Variants in ZNF33A observed in about 807,000 individuals in gnomAD.
ZNF33A encodes brain my041 protein.
A neutral mutation model predicts 15.9 loss-of-function variants in ZNF33A; 9 were observed. That is an observed-to-expected ratio of 0.57 (90% CI 0.34 to 0.99). The LOEUF (loss-of-function observed/expected upper bound fraction) is 0.99. ZNF33A is among the 50% of genes least tolerant of loss of function. The pLI is 0.02. For synonymous variants in ZNF33A, 294 were observed against 324.2 expected, an observed-to-expected ratio of 0.91 and a Z score of 1.00; for missense variants, 843 against 941.6, an observed-to-expected ratio of 0.90 and a Z score of 1.37.
Position 38,054,977 on chromosome 10 carries a change from T to A in ZNF33A, c.853T>A (p.Cys285Ser). 1 of 1,614,136 alleles carries A rather than the reference T, an allele frequency of 6.2e-7. No homozygotes were observed. Among genetic ancestry groups the A allele is most frequent in the Non-Finnish European group, 8.5e-7 (1 of 1,179,990 alleles). Residue 285 changes from cysteine to serine, a missense_variant, in exon 5 of 5, where the codon TGT becomes AGT. Physicochemically the swap from Cys to Ser is moderately radical, Grantham distance 112. Coordinates refer to ENST00000432900, the MANE Select transcript of ZNF33A (RefSeq NM_006954.2). ...YEFSDCEKFL[C>S]VKSTLSKPHG... ...ATTTAGTGATTGTGAGAAGTTCTTA[T>A]GTGTGAAGTCCACCCTTTCTAAACC...
At chr10:38,019,493 A>G (rs1464083153) in intron 4 of ZNF33A, among the ~76,000 whole-genome samples, 3 of 152,214 alleles carry the variant, frequency 2.0e-5, no homozygotes, top group Non-Finnish European at 4.4e-5. Context: ...TAAAATTTTC[A>G]AAGTAGCCAG....
At chr10:38,011,916 T>TA (rs1210422157) in intron 1 of ZNF33A, among the ~76,000 whole-genome samples, 2 of 152,238 alleles carry the variant, frequency 1.3e-5, no homozygotes, top group Admixed American at 1.3e-4. Flanking sequence ...TCCTATTTTT[T>TA]ACAATGGTTT....
chr10:38,029,743 G>A (rs1169249959), intron 4 of ZNF33A, among the ~76,000 whole-genome samples: 1 of 152,100 alleles, frequency 6.6e-6, no homozygotes, highest in Non-Finnish European at 1.5e-5. Context: ...CAATAATATG[G>A]TTTCTGCCAT....
chr10:38,033,404 TCTG>T (rs2065298279), intron 4 of ZNF33A, among the ~76,000 whole-genome samples: 1 of 152,196 alleles, frequency 6.6e-6, no homozygotes, highest in South Asian at 2.1e-4. Context: ...TATGAATAAT[TCTG>T]CTGTAATTGT....
At chr10:38,061,784 A>T (rs1018676425), downstream of ZNF33A, among the ~76,000 whole-genome samples, 1 of 152,042 alleles carries the variant, frequency 6.6e-6, no homozygotes, top group South Asian at 2.1e-4. Context: ...AACATGGTGA[A>T]ACCCCGTCTC....
chr10:38,025,525 T>C (rs1369676858), intron 4 of ZNF33A, among the ~76,000 whole-genome samples: 5 of 152,206 alleles, frequency 3.3e-5, no homozygotes, highest in Non-Finnish European at 7.3e-5. Context: ...GGAAAGGCGA[T>C]GTGAATATGC....
At chr10:38,061,812 T>G (rs1388991068), downstream of ZNF33A, among the ~76,000 whole-genome samples, 1 of 151,964 alleles carries the variant, frequency 6.6e-6, no homozygotes, top group East Asian at 1.9e-4. Context: ...ACTATAAAAA[T>G]TAGCTGAGCA....
rs2135791501 is a variant in ZNF33A at position 38,059,952 on chromosome 10, A to AG, written c.*3395dup. On this transcript the variant is annotated 3_prime_UTR_variant, in exon 5 of 5. Transcript: ENST00000432900. ...GAGCCTGTGGAAGATGGGAGGGGAA[A>AG]GGGTTATATGAGAATTCTCTATACT... 2.2e-6 allele frequency: 1 copy of AG among 447,742 alleles called. No individual in the cohort carries two copies. Among genetic ancestry groups the AG allele is most frequent in the South Asian group, 9.5e-5 (1 of 10,540 alleles). 27.7% of individuals were successfully genotyped at this position (447,742 alleles called of 1,614,324 possible).
intron 2 of ZNF33A, 82 bp downstream of exon 2, chr10:38,012,432 T>TG: frequency 6.8e-7 from 1 of 1,476,064 alleles, no homozygotes; most frequent in African/African-American, 1.5e-5. Flanking sequence ...TTTGTTTTTT[T>TG]TTTTTTTTTT....
chr10:38,010,915 G>T (rs2293962), intron 1 of ZNF33A, 132 bp downstream of exon 1: 252,921 of 1,111,358 alleles, frequency 0.23, 30,718 homozygotes, highest in East Asian at 0.37. Context: ...GGACGGCGGG[G>T]CTGCAGCGTG....
chr10:38,040,147 G>T (rs1481742732), intron 4 of ZNF33A, among the ~76,000 whole-genome samples: 3 of 150,972 alleles, frequency 2.0e-5, no homozygotes, highest in African/African-American at 4.9e-5. Context: ...TATAATTTGT[G>T]CATGTTTGTG....
chr10:38,039,604 G>T, intron 4 of ZNF33A: 1 of 452,784 alleles, frequency 2.2e-6, no homozygotes, highest in South Asian at 1.6e-5. Context: ...TTTTCTACTT[G>T]AGTTGGTTTT....
At chr10:38,013,578 C>T (rs914100739) in intron 2 of ZNF33A, among the ~76,000 whole-genome samples, 1 of 151,732 alleles carries the variant, frequency 6.6e-6, no homozygotes, top group Non-Finnish European at 1.5e-5. Flanking sequence ...CCTGCCTCAA[C>T]CTCCCGAGTA....
In ZNF33A at chr10:38,054,188, G is replaced by GGTTTTT. The variant is rs147019448; in HGVS notation, c.251-174_251-169dup. Among the ~76,000 whole-genome samples the GGTTTTT allele has an allele frequency of 6.6e-5, 10 of 152,106 alleles. No homozygotes were observed. In the East Asian group the frequency reaches 1.9e-3, roughly 29 times the overall value. ...CCACTAGCCTAGGACTTTTGTTTCTGGTTTTTGTTTTTGTTTTTTGACCCC... is the reference window on the plus strand; with the variant it reads ...CCACTAGCCTAGGACTTTTGTTTCTGGTTTTTGTTTTTGTTTTTGTTTTTTGACCCC... On this transcript the variant is annotated intron_variant, in intron 4 of 4. Transcript: ENST00000432900.
chr10:38,012,417 T>C (rs539256041), intron 2 of ZNF33A, 67 bp downstream of exon 2: 1,408 of 1,276,578 alleles, frequency 1.1e-3, no homozygotes, highest in Non-Finnish European at 1.4e-3. Flanking sequence ...AGAGTCGATA[T>C]GGTGTTTGTT....
At chr10:38,045,061 T>C (rs1482665378) in intron 4 of ZNF33A, among the ~76,000 whole-genome samples, 5 of 152,228 alleles carry the variant, frequency 3.3e-5, no homozygotes, top group Non-Finnish European at 7.3e-5. Context: ...TTTTCCTGTA[T>C]GTAGGTGACA....
downstream of ZNF33A, among the ~76,000 whole-genome samples, chr10:38,065,713 C>CTTT (rs35846280): frequency 7.0e-6 from 1 of 142,322 alleles, no homozygotes; most frequent in African/African-American, 2.6e-5. Flanking sequence ...ATGGGACACA[C>CTTT]TTTTTTTTTT....
chr10:38,023,784 G>C (rs565433416), intron 4 of ZNF33A, among the ~76,000 whole-genome samples: 1 of 152,122 alleles, frequency 6.6e-6, no homozygotes, highest in Admixed American at 6.6e-5. Flanking sequence ...TGAAATAGAA[G>C]TCATACACGT....
At chr10:38,030,125 A>G (rs1397344049) in intron 4 of ZNF33A, among the ~76,000 whole-genome samples, 1 of 152,228 alleles carries the variant, frequency 6.6e-6, no homozygotes, top group Non-Finnish European at 1.5e-5. Context: ...GAGGACTTAC[A>G]GGAACTGAAA....
Sources: gnomAD v4.1 joint callset for allele counts (sites outside exome capture counted in the v4.1 genomes callset) on GRCh38, gnomAD v4.1.1 for gene constraint, MANE v1.5 for transcripts, NCBI Gene and HGNC (gene_info 2026-07-23, HGNC 2026-07-21) for gene names.